The following MAP3K3 variants were observed in gnomAD, a reference collection of about 807,000 sequenced individuals.
The protein encoded by MAP3K3 is mitogen-activated protein kinase kinase kinase 3, also known as MAP/ERK kinase kinase 3.
MAP3K3 carries 12 observed loss-of-function variants against 80.9 expected under a neutral mutation model. The observed-to-expected ratio is 0.15, with a 90% CI of 0.10 to 0.24. The LOEUF is 0.24. Ranked by LOEUF, MAP3K3 falls within the 10% of genes least tolerant of loss-of-function variation. The pLI is 1.00. For missense variants in MAP3K3, 596 were observed against 834.7 expected (o/e 0.71, Z 3.52); for synonymous variants, 272 against 307.1 (o/e 0.89, Z 1.19).
rs936717259 is a variant in MAP3K3 at position 63,693,205 on chromosome 17, T to C, written c.1653-344T>C. On this transcript the variant is annotated intron_variant, in intron 15 of 15. Transcript: ENST00000361733. This position sits in a 1 kb window ranked among gnomAD's most constrained non-coding sequence, Gnocchi z 4.2. ...CCCTGTGAGACTGATTTTAGACCTC[T>C]GACCTTCAGAACTGTAAGATGATAC... 6.6e-6 allele frequency among the ~76,000 whole-genome samples: 1 copy of C among 152,252 alleles called. No individual in the cohort carries two copies. The highest frequency in any genetic ancestry group is 1.5e-5 in the Non-Finnish European group (1 of 68,046).
chr17:63,638,695 C>T (rs1389468537), intron 2 of MAP3K3, among the ~76,000 whole-genome samples: 1 of 152,184 alleles, frequency 6.6e-6, no homozygotes, highest in Non-Finnish European at 1.5e-5. Flanking sequence ...TTCTCAGTAG[C>T]TGACACCTCC....
At chr17:63,671,186 G>A (rs2035099368) in intron 6 of MAP3K3, among the ~76,000 whole-genome samples, 1 of 152,014 alleles carries the variant, frequency 6.6e-6, no homozygotes, top group Admixed American at 6.6e-5. Context: ...GCGTTTTGGT[G>A]GTTCTCAAAG....
intron 1 of MAP3K3, 52 bp downstream of exon 1, chr17:63,622,815 G>A (rs2034015900): frequency 8.9e-6 from 4 of 448,312 alleles, no homozygotes; most frequent in South Asian, 5.0e-5. Context: ...GCGACGCCCC[G>A]CCCCAGGCTG....
intron 5 of MAP3K3, among the ~76,000 whole-genome samples, chr17:63,660,177 C>T (rs978221609): frequency 3.9e-5 from 6 of 152,032 alleles, no homozygotes; most frequent in East Asian, 1.9e-4. Context: ...GTTGCCTCAC[C>T]GCCTTTTGTT....
At chr17:63,645,298 G>A (rs1459513578) in intron 2 of MAP3K3, among the ~76,000 whole-genome samples, 9 of 151,402 alleles carry the variant, frequency 5.9e-5, no homozygotes, top group Non-Finnish European at 1.0e-4. Context: ...GTGACACTCC[G>A]TCTCAAAAAA....
rs2034802658 is a variant in MAP3K3 at position 63,657,796 on chromosome 17, C to T, written c.270C>T (p.Leu90=). 6.7e-7 allele frequency: 1 copy of T among 1,499,018 alleles called. No individual in the cohort carries two copies. The highest frequency in any genetic ancestry group is 9.3e-7 in the Non-Finnish European group (1 of 1,078,924). The allele number at this position is 1,499,018 out of a possible 1,614,324, so 92.9% of individuals were successfully genotyped here. ...PLDLHYMNNE[L]SILLKNQDDL... is the part of the protein sequence containing the mutation. ...CTTTTCTATGTCTTGTATCACAGCT[C>T]TCCATCCTGCTGAAAAACCAAGATG... The change falls in exon 5 of 16, where the codon CTC becomes CTT. Residue 90 remains leucine, a splice_region_variant and synonymous_variant. Coordinates refer to ENST00000361733, the MANE Select transcript of MAP3K3 (RefSeq NM_002401.5).
chr17:63,677,760 G>A (rs2035247643), intron 6 of MAP3K3, among the ~76,000 whole-genome samples: 2 of 152,168 alleles, frequency 1.3e-5, no homozygotes, highest in South Asian at 4.1e-4. Context: ...CCTGCACTTT[G>A]GGAGGCTGAA....
At chr17:63,637,046 G>A (rs766591987) in intron 2 of MAP3K3, 10 of 528,118 alleles carry the variant, frequency 1.9e-5, no homozygotes, top group Non-Finnish European at 3.5e-5. Flanking sequence ...AAACTTTCTG[G>A]AAGAGGAGAT....
rs140823605 is a variant in MAP3K3 at position 63,623,889 on chromosome 17, A to G, written c.4+1126A>G. Among the ~76,000 whole-genome samples the G allele has an allele frequency of 1.8e-3, 271 of 152,350 alleles. 1 individual carries two copies. Among genetic ancestry groups the G allele is most frequent in the African/African-American group, 6.3e-3 (263 of 41,580 alleles). On this transcript the variant is annotated intron_variant, in intron 1 of 15. Coordinates refer to ENST00000361733, the MANE Select transcript of MAP3K3 (RefSeq NM_002401.5). ...GGAGCCTTAATGTTTGCCTTGCCCT[A>G]TAGCAAGGTCAAGTCCTTTTTGTAG... is the stretch of plus-strand genomic sequence containing the variant.
rs150195779 is a variant in MAP3K3, at chr17:63,674,871, A to G, written c.503-6895A>G. ...GGAGGGAAAATTCAGGCAGAGGACA[A>G]GAAAGAATGTTGAAAGGATGAGGGT... On this transcript the variant is annotated intron_variant, in intron 6 of 15. Coordinates refer to ENST00000361733, the MANE Select transcript of MAP3K3 (RefSeq NM_002401.5). Among the ~76,000 whole-genome samples the G allele has an allele frequency of 3.7e-3, 558 of 152,242 alleles. 2 individuals carry two copies. Among genetic ancestry groups the G allele is most frequent in the Middle Eastern group, 6.8e-3 (2 of 294 alleles).
intron 3 of MAP3K3, among the ~76,000 whole-genome samples, chr17:63,651,252 C>T (rs908952175): frequency 6.6e-6 from 1 of 152,060 alleles, no homozygotes; most frequent in African/African-American, 2.4e-5. Context: ...GGAAGGCCGA[C>T]GTGGGAGGAT....
intron 3 of MAP3K3, among the ~76,000 whole-genome samples, chr17:63,648,912 A>G (rs2034593372): frequency 6.6e-6 from 1 of 152,188 alleles, no homozygotes; most frequent in South Asian, 2.1e-4. Flanking sequence ...AAAGGTGGTG[A>G]TGGACAAAGG....
Position 63,696,173 on chromosome 17 carries a change from A to C in MAP3K3, c.*2396A>C, listed in dbSNP as rs1397281732. On this transcript the variant is annotated 3_prime_UTR_variant, in exon 16 of 16. Transcript: ENST00000361733. Reference sequence around the variant, plus strand: ...CTCTATGTCTGTGTCTGAATTGTGGATCGTGCAGCCATGGTTATTGTGGAA... The same window carrying C: ...CTCTATGTCTGTGTCTGAATTGTGGCTCGTGCAGCCATGGTTATTGTGGAA... The C allele has an allele frequency of 6.6e-6, 1 of 152,552 alleles. No individual in the cohort carries two copies. Among genetic ancestry groups the C allele is most frequent in the Non-Finnish European group, 1.5e-5 (1 of 68,106 alleles). 9.4% of individuals were successfully genotyped at this position (152,552 alleles called of 1,614,324 possible).
At chr17:63,645,852 A>T (rs1318029015) in intron 2 of MAP3K3, among the ~76,000 whole-genome samples, 182 bp from the exon 3 acceptor site, 2 of 152,186 alleles carry the variant, frequency 1.3e-5, no homozygotes, top group African/African-American at 2.4e-5. Context: ...CTGATGTTAG[A>T]ACTGGAAGTT....
At chr17:63,647,807 T>C (rs1452961302) in intron 3 of MAP3K3, among the ~76,000 whole-genome samples, 1 of 152,222 alleles carries the variant, frequency 6.6e-6, no homozygotes, top group Non-Finnish European at 1.5e-5. Context: ...TTGTAGAGAA[T>C]GTCATTATGG....
intron 7 of MAP3K3, among the ~76,000 whole-genome samples, chr17:63,684,037 C>T (rs1276054337): frequency 6.6e-6 from 1 of 152,124 alleles, no homozygotes; most frequent in Non-Finnish European, 1.5e-5. Flanking sequence ...GCACACCTGC[C>T]TGTAGTCCCA....
intron 8 of MAP3K3, 95 bp from the exon 9 acceptor site, chr17:63,688,431 GC>G: frequency 2.1e-6 from 2 of 941,996 alleles, no homozygotes; most frequent in Non-Finnish European, 3.5e-6. Flanking sequence ...CCCACCTAAT[GC>G]TGTGGCAGGG....
Position 63,692,437 on chromosome 17 carries a change from C to G in MAP3K3, c.1652+18C>G. 6.3e-7 allele frequency: 1 copy of G among 1,584,424 alleles called. No individual in the cohort carries two copies. Among genetic ancestry groups the G allele is most frequent in the Non-Finnish European group, 8.6e-7 (1 of 1,163,698 alleles). On this transcript the variant is annotated intron_variant, in intron 15 of 15. Coordinates refer to ENST00000361733, the MANE Select transcript of MAP3K3 (RefSeq NM_002401.5). This position sits in a 1 kb window ranked among gnomAD's most constrained non-coding sequence, Gnocchi z 4.5. ...GACGTGTGGTGAGCACTGGGACATG[C>G]AGAACCCATTCTTCCACCCAGGCCA...
At position 63,688,832 on chromosome 17, in the gene MAP3K3, C is replaced by A. The variant is rs762066955; in HGVS notation, c.822C>A (p.Thr274=). Residue 274 remains threonine, a synonymous_variant, in exon 10 of 16, where the codon ACC becomes ACA. Coordinates refer to ENST00000361733, the MANE Select transcript of MAP3K3 (RefSeq NM_002401.5). Reference sequence around the variant, plus strand: ...ATGACAAAGGGGTCAAAGGTGGAACCTACCCCCGGCGCTACCACGTGTCTG... The same window carrying A: ...ATGACAAAGGGGTCAAAGGTGGAACATACCCCCGGCGCTACCACGTGTCTG... The part of the protein sequence containing the change: ...QLYDKGVKGG[T]YPRRYHVSVH... 12 of 1,613,972 alleles carry A rather than the reference C, an allele frequency of 7.4e-6. No individual in the cohort carries two copies. In the Admixed American group the frequency reaches 2.0e-4, roughly 27 times the overall value.
Sources: allele counts gnomAD v4.1 joint callset (sites outside exome capture counted in the v4.1 genomes callset), GRCh38; gene constraint gnomAD v4.1.1; non-coding constraint Gnocchi (gnomAD v3.1); transcripts MANE v1.5; gene names NCBI Gene and HGNC (gene_info 2026-07-23, HGNC 2026-07-21).